The following BBS9 variants were observed in gnomAD, a reference collection of about 807,000 sequenced individuals.
The protein encoded by BBS9 is protein PTHB1.
A neutral mutation model predicts 117.7 loss-of-function variants in BBS9; 89 were observed. That is an observed-to-expected ratio of 0.76 (90% CI 0.64 to 0.90). The LOEUF (loss-of-function observed/expected upper bound fraction) is 0.90. Among genes scored for constraint, BBS9 ranks in the 40% least tolerant of loss-of-function variants. The probability of loss-of-function intolerance (pLI) is 0.00; values close to 1 mark genes in which losing one functional copy is unlikely to be tolerated. For synonymous variants in BBS9, 379 were observed against 370.9 expected (o/e 1.02, Z -0.25); for missense variants, 982 against 1,042.2 (o/e 0.94, Z 0.80).
At chr7:33,199,788 TAGA>T (rs898225850) in intron 5 of BBS9, among the ~76,000 whole-genome samples, 9 of 151,910 alleles carry the variant, frequency 5.9e-5, no homozygotes, top group African/African-American at 2.2e-4. Context: ...AACGAGATCT[TAGA>T]AGGAGAGGGA....
chr7:33,630,577 CTA>C (rs2129228915), intron 21 of BBS9, among the ~76,000 whole-genome samples: 1 of 152,282 alleles, frequency 6.6e-6, no homozygotes, highest in African/African-American at 2.4e-5. Context: ...TGCATGTTTT[CTA>C]TGAGTTAGAT....
chr7:33,634,884 A>T (rs766315183), intron 21 of BBS9, among the ~76,000 whole-genome samples: 1 of 152,214 alleles, frequency 6.6e-6, no homozygotes, highest in African/African-American at 2.4e-5. Context: ...CCACAGGCTT[A>T]GTCCGGAGTG....
In BBS9 at chr7:33,560,386, A is replaced by G. The variant is rs557246374; in HGVS notation, c.2521+26210A>G. On this transcript the variant is annotated intron_variant, in intron 21 of 22. Transcript: ENST00000242067. ...CAACTGCTTCCCTTTCTAAATGAAG[A>G]CATTTTTTCCAATCCCTTTGTTTAA... 7.2e-5 allele frequency among the ~76,000 whole-genome samples: 11 copies of G among 152,304 alleles called. No individual in the cohort carries two copies. In the South Asian group the frequency reaches 2.1e-3, roughly 29 times the overall value.
intron 1 of BBS9, among the ~76,000 whole-genome samples, chr7:33,131,834 A>C (rs778528499): frequency 2.3e-4 from 35 of 152,232 alleles, no homozygotes; most frequent in Non-Finnish European, 4.7e-4. Flanking sequence ...AGCAAATTAA[A>C]TTCAGAAGGT....
At chr7:33,255,365 C>G (rs1489450504) in intron 5 of BBS9, among the ~76,000 whole-genome samples, 1 of 51,610 alleles carries the variant, frequency 1.9e-5, no homozygotes, top group Non-Finnish European at 3.8e-5. Flanking sequence ...TTTTTTTTTG[C>G]ATGTGGATAT....
At chr7:33,436,885 T>C (rs1835381311) in intron 19 of BBS9, among the ~76,000 whole-genome samples, 1 of 152,254 alleles carries the variant, frequency 6.6e-6, no homozygotes. Context: ...GAATACTGTA[T>C]AAAACACATA....
chr7:33,483,414 C>T (rs1047051495), intron 19 of BBS9, among the ~76,000 whole-genome samples: 1 of 152,158 alleles, frequency 6.6e-6, no homozygotes, highest in Non-Finnish European at 1.5e-5. Context: ...TACCTTAGTG[C>T]CTTCACTGGC....
At chr7:33,305,881 T>C (rs1014915562) in intron 9 of BBS9, among the ~76,000 whole-genome samples, 8 of 152,104 alleles carry the variant, frequency 5.3e-5, no homozygotes, top group African/African-American at 1.7e-4. Context: ...TTTTGTATTG[T>C]GTTCTTCATT....
Position 33,329,395 on chromosome 7 carries a change from A to G in BBS9, c.1017-7046A>G, listed in dbSNP as rs183884009. On this transcript the variant is annotated intron_variant, in intron 9 of 22. Transcript: ENST00000242067. ...CACTAGTTAGGGATAGTCACATCCT[A>G]TTAACATTTAGGTATTTTTCCTAAT... Among the ~76,000 whole-genome samples the G allele has an allele frequency of 5.1e-3, 774 of 152,314 alleles. 10 individuals are homozygous for G. The highest frequency in any genetic ancestry group is 0.018 in the African/African-American group (731 of 41,564).
intron 20 of BBS9, among the ~76,000 whole-genome samples, chr7:33,532,199 T>C (rs1850686607): frequency 6.6e-6 from 1 of 152,130 alleles, no homozygotes; most frequent in African/African-American, 2.4e-5. Flanking sequence ...AGCTAAAGAA[T>C]AGAGGTTAGG....
chr7:33,614,569 T>G (rs1865040892), intron 21 of BBS9, among the ~76,000 whole-genome samples: 1 of 151,954 alleles, frequency 6.6e-6, no homozygotes, highest in African/African-American at 2.4e-5. Context: ...AAAATACAGG[T>G]GCATACAGAG....
At position 33,467,560 on chromosome 7, in the gene BBS9, C is replaced by CCG. The variant is rs1563215324; in HGVS notation, c.2116-37902_2116-37901insGC. Among the ~76,000 whole-genome samples the CCG allele has an allele frequency of 1.3e-4, 9 of 67,608 alleles. No individual in the cohort carries two copies. The East Asian group carries it at 3.4e-3, about 26-fold the overall frequency. The allele number at this position is 67,608 out of a possible 152,430, so 44.4% of individuals were successfully genotyped here. ...CACTAATTCACCAGTGCTGTGGGAA[C>CCG]CCCCCAACTCCGCCACCTCCACTAT... On this transcript the variant is annotated intron_variant, in intron 19 of 22. Transcript: ENST00000242067.
chr7:33,347,986 GC>G (rs1467088504), intron 12 of BBS9, among the ~76,000 whole-genome samples: 1 of 151,936 alleles, frequency 6.6e-6, no homozygotes, highest in East Asian at 1.9e-4. Context: ...TTTTAAAATA[GC>G]TTTACTTAGA....
At chr7:33,587,648 G>A (rs1235176406) in intron 21 of BBS9, among the ~76,000 whole-genome samples, 1 of 152,090 alleles carries the variant, frequency 6.6e-6, no homozygotes, top group Non-Finnish European at 1.5e-5. Context: ...TTGCAAGGGA[G>A]TCTTAGTACC....
intron 5 of BBS9, among the ~76,000 whole-genome samples, chr7:33,205,824 T>C (rs1323746272): frequency 6.6e-6 from 1 of 152,222 alleles, no homozygotes; most frequent in Non-Finnish European, 1.5e-5. Flanking sequence ...AGCCCATTTT[T>C]TGATGGACAT....
intron 5 of BBS9, among the ~76,000 whole-genome samples, chr7:33,209,310 T>C (rs1787570343): frequency 6.6e-6 from 1 of 152,202 alleles, no homozygotes; most frequent in Non-Finnish European, 1.5e-5. Flanking sequence ...TTCCATTGTA[T>C]ATATGTAACC....
intron 21 of BBS9, among the ~76,000 whole-genome samples, chr7:33,560,533 C>T (rs1855937678): frequency 6.6e-6 from 1 of 152,136 alleles, no homozygotes; most frequent in Non-Finnish European, 1.5e-5. Flanking sequence ...TTGAGAATTG[C>T]TTTTATCCAA....
At chr7:33,183,183 G>A (rs550446749) in intron 5 of BBS9, among the ~76,000 whole-genome samples, 1 of 152,100 alleles carries the variant, frequency 6.6e-6, no homozygotes, top group African/African-American at 2.4e-5. Context: ...TTCCACGAGG[G>A]AAACAGATGT....
At chr7:33,205,718 A>G (rs1392147104) in intron 5 of BBS9, among the ~76,000 whole-genome samples, 1 of 152,142 alleles carries the variant, frequency 6.6e-6, no homozygotes, top group African/African-American at 2.4e-5. Flanking sequence ...CATTAAATTT[A>G]TGTCTTATTT....
Sources: gnomAD v4.1 joint callset for allele counts (sites outside exome capture counted in the v4.1 genomes callset) on GRCh38, gnomAD v4.1.1 for gene constraint, MANE v1.5 for transcripts, NCBI Gene and HGNC (gene_info 2026-07-23, HGNC 2026-07-21) for gene names.